Variants in PCDH15 observed in about 807,000 individuals in gnomAD.
The protein encoded by PCDH15 is protocadherin related 15.
PCDH15 carries 129 observed loss-of-function variants against 178.5 expected under a neutral mutation model. The ratio of observed to expected loss-of-function variants is 0.72; its 90% CI spans 0.63 to 0.84. The LOEUF is 0.84. Among genes scored for constraint, PCDH15 ranks in the 40% least tolerant of loss-of-function variants. The pLI, the probability that PCDH15 is intolerant of heterozygous loss-of-function variation, is 0.00. For missense variants in PCDH15, 2,230 were observed against 2,099.9 expected (o/e 1.06, Z -1.21); for synonymous variants, 800 against 732.0 (o/e 1.09, Z -1.50).
intron 2 of PCDH15, among the ~76,000 whole-genome samples, chr10:55,568,549 T>C (rs1842347990): frequency 6.6e-6 from 1 of 151,600 alleles, no homozygotes; most frequent in South Asian, 2.1e-4. Context: ...TATAAACAAA[T>C]AAGAATAAAT....
chr10:54,046,259 G>T (rs796823604), intron 18 of PCDH15, among the ~76,000 whole-genome samples: 3 of 152,186 alleles, frequency 2.0e-5, no homozygotes, highest in African/African-American at 7.2e-5. Flanking sequence ...AAACAATTTC[G>T]CATTTCCAAC....
chr10:54,838,563 C>T (rs185983305), intron 3 of PCDH15, among the ~76,000 whole-genome samples: 1 of 152,204 alleles, frequency 6.6e-6, no homozygotes, highest in African/African-American at 2.4e-5. Flanking sequence ...TGAGAACAGA[C>T]TAATAAGCCT....
At chr10:54,534,705 C>G (rs1238449395) in intron 2 of PCDH15, among the ~76,000 whole-genome samples, 1 of 152,154 alleles carries the variant, frequency 6.6e-6, no homozygotes, top group Non-Finnish European at 1.5e-5. Flanking sequence ...AAAGAAGGTA[C>G]TGTGTTCTCT....
chr10:54,852,042 T>C (rs1160635389), intron 3 of PCDH15, among the ~76,000 whole-genome samples: 1 of 152,184 alleles, frequency 6.6e-6, no homozygotes, highest in East Asian at 1.9e-4. Context: ...ATACATACAT[T>C]GCTGCTAATC....
At chr10:54,105,946 T>C (rs967710710) in intron 15 of PCDH15, among the ~76,000 whole-genome samples, 16 of 152,140 alleles carry the variant, frequency 1.1e-4, no homozygotes, top group African/African-American at 1.9e-4. Flanking sequence ...TTGCACATTA[T>C]TGAGAAATAA....
intron 27 of PCDH15, among the ~76,000 whole-genome samples, chr10:53,863,557 G>C (rs929445453): frequency 1.3e-5 from 2 of 151,754 alleles, no homozygotes; most frequent in African/African-American, 2.4e-5. Context: ...TTTAAGAGAG[G>C]GTTCAATAGT....
In PCDH15 at chr10:55,565,720, C is replaced by T. The variant is rs551030555; in HGVS notation, c.-156+61905G>A. 1.1e-3 allele frequency among the ~76,000 whole-genome samples: 165 copies of T among 151,540 alleles called. 2 individuals are homozygous for T. The highest frequency in any genetic ancestry group is 3.7e-3 in the African/African-American group (154 of 41,436). ...AGAGAGTACTATGAAAACTTGTATG[C>T]CTAGAAATCTAATTACATATGAAAT... On this transcript the variant is annotated intron_variant, in intron 2 of 5. Transcript: ENST00000613346.
chr10:54,943,628 T>C (rs1185959894), intron 2 of PCDH15, among the ~76,000 whole-genome samples: 2 of 151,994 alleles, frequency 1.3e-5, no homozygotes, highest in African/African-American at 4.8e-5. Flanking sequence ...ATTTGATATA[T>C]AAAGCCAATA....
At chr10:54,249,392 T>C (rs1281744816) in intron 8 of PCDH15, among the ~76,000 whole-genome samples, 1 of 152,176 alleles carries the variant, frequency 6.6e-6, no homozygotes, top group Admixed American at 6.5e-5. Context: ...GAGGGAGATA[T>C]ACATCTAGAG....
chr10:55,043,187 T>C (rs1305709993), intron 2 of PCDH15, among the ~76,000 whole-genome samples: 1 of 152,104 alleles, frequency 6.6e-6, no homozygotes, highest in Non-Finnish European at 1.5e-5. Context: ...CTACGTGGAA[T>C]ATTGCATGGA....
intron 2 of PCDH15, among the ~76,000 whole-genome samples, chr10:55,555,722 A>G (rs1433740361): frequency 6.6e-6 from 1 of 152,124 alleles, no homozygotes; most frequent in Non-Finnish European, 1.5e-5. Flanking sequence ...GAGGGTGCTT[A>G]GTGGATTTTT....
intron 3 of PCDH15, among the ~76,000 whole-genome samples, chr10:54,381,451 C>T (rs922976251): frequency 6.6e-6 from 1 of 152,124 alleles, no homozygotes; most frequent in Non-Finnish European, 1.5e-5. Flanking sequence ...TTTCCTCCTT[C>T]GTTACTTTGC....
chr10:54,377,761 A>G (rs1948658966), intron 4 of PCDH15, among the ~76,000 whole-genome samples: 1 of 152,088 alleles, frequency 6.6e-6, no homozygotes, highest in South Asian at 2.1e-4. Flanking sequence ...CCCAGGGCCC[A>G]GTGCAATTAC....
chr10:54,466,513 C>T (rs1200641282), intron 3 of PCDH15, among the ~76,000 whole-genome samples: 1 of 151,774 alleles, frequency 6.6e-6, no homozygotes, highest in African/African-American at 2.4e-5. Context: ...TTTGGACAAT[C>T]TATTTCTGTT....
chr10:55,514,805 G>A lies in PCDH15; in HGVS notation c.-156+112820C>T, dbSNP rs189120653. Among the ~76,000 whole-genome samples the A allele has an allele frequency of 4.4e-3, 667 of 152,058 alleles. 5 individuals are homozygous for A. The highest frequency in any genetic ancestry group is 0.015 in the African/African-American group (638 of 41,486). On this transcript the variant is annotated intron_variant, in intron 2 of 5. Coordinates refer to the PCDH15 transcript ENST00000613346. ...GGGAAAGTTAGAATAATATTTTTAA[G>A]TTTTATGGCTGGCTATGGGGAAATG...
Position 54,240,781 on chromosome 10 carries a change from G to A in PCDH15, c.877-3850C>T, listed in dbSNP as rs554568365. Among the ~76,000 whole-genome samples, 54 of 151,666 alleles carry A rather than the reference G, an allele frequency of 3.6e-4. No homozygotes were observed. In the East Asian group the frequency reaches 8.4e-3, roughly 24 times the overall value. ...CGAGTAGCTGGGACTACAGGCGCCC[G>A]CCACCACGCCCGGCTAATATTTTGT... is the stretch of plus-strand genomic sequence containing the variant. On this transcript the variant is annotated intron_variant, in intron 8 of 37. Coordinates refer to ENST00000644397, the MANE Select transcript of PCDH15 (RefSeq NM_001384140.1).
intron 2 of PCDH15, among the ~76,000 whole-genome samples, chr10:55,415,701 G>T (rs1838463787): frequency 6.6e-6 from 1 of 151,536 alleles, no homozygotes; most frequent in East Asian, 1.9e-4. Flanking sequence ...AGTTGGCCAT[G>T]ATTATCTTGT....
intron 2 of PCDH15, among the ~76,000 whole-genome samples, chr10:55,488,107 T>C (rs1489743358): frequency 1.3e-5 from 2 of 151,616 alleles, no homozygotes; most frequent in Non-Finnish European, 3.0e-5. Flanking sequence ...CAATTTATGC[T>C]TAGATTTTAA....
chr10:54,625,797 GA>G (rs1465385881), intron 2 of PCDH15, among the ~76,000 whole-genome samples: 2 of 152,176 alleles, frequency 1.3e-5, no homozygotes, highest in East Asian at 3.9e-4. Context: ...TGAAAATGTG[GA>G]AACAACTTTG....
Sources: gnomAD v4.1 joint callset for allele counts (sites outside exome capture counted in the v4.1 genomes callset) on GRCh38, gnomAD v4.1.1 for gene constraint, MANE v1.5 for transcripts, NCBI Gene and HGNC (gene_info 2026-07-23, HGNC 2026-07-21) for gene names.